Variants in LNX1 observed in about 807,000 individuals in gnomAD.
The protein encoded by LNX1 is ligand of numb-protein X 1.
LNX1 carries 54 observed loss-of-function variants against 68.4 expected under a neutral mutation model. The observed-to-expected ratio is 0.79, with a 90% CI of 0.63 to 0.99. The LOEUF (loss-of-function observed/expected upper bound fraction) is 0.99, where lower values mean the gene tolerates loss of function less well. LNX1 is among the 50% of genes least tolerant of loss of function. The pLI is 0.00. For missense variants in LNX1, 906 were observed against 926.4 expected (o/e 0.98, Z 0.29); for synonymous variants, 336 against 350.0 (o/e 0.96, Z 0.45).
At chr4:53,621,876 A>G (rs1252931265), upstream of LNX1, among the ~76,000 whole-genome samples, 3 of 151,896 alleles carry the variant, frequency 2.0e-5, no homozygotes, top group Non-Finnish European at 4.4e-5. Flanking sequence ...TTTCACCCCC[A>G]CCGGATTTGT....
At chr4:53,606,333 A>C (rs984078514) in intron 2 of LNX1, among the ~76,000 whole-genome samples, 9 of 152,204 alleles carry the variant, frequency 5.9e-5, no homozygotes, top group Non-Finnish European at 1.0e-4. Flanking sequence ...GGAAACCTAG[A>C]GGAAATGGCT....
At chr4:53,568,891 A>G (rs2109764404) in intron 2 of LNX1, among the ~76,000 whole-genome samples, 1 of 152,272 alleles carries the variant, frequency 6.6e-6, no homozygotes, top group African/African-American at 2.4e-5. Context: ...GAGCCAAATC[A>G]TGAGTGAACT....
intron 9 of LNX1, among the ~76,000 whole-genome samples, chr4:53,475,094 A>G (rs1380602915): frequency 1.3e-5 from 2 of 152,224 alleles, no homozygotes; most frequent in Non-Finnish European, 2.9e-5. Flanking sequence ...AAAGTAGAGA[A>G]GTGCCATGCC....
chr4:53,491,396 G>A (rs182380785), intron 6 of LNX1, among the ~76,000 whole-genome samples: 40 of 152,214 alleles, frequency 2.6e-4, no homozygotes, highest in Admixed American at 2.3e-3. Context: ...TTGATTGGCC[G>A]GCTAATGCCA....
intron 1 of LNX1, among the ~76,000 whole-genome samples, chr4:53,638,658 A>G (rs1277369038): frequency 6.6e-6 from 1 of 152,206 alleles, no homozygotes; most frequent in African/African-American, 2.4e-5. Context: ...ATAATGCTGA[A>G]GTGCTGCCAA....
chr4:53,639,927 G>A (rs934729948), intron 1 of LNX1, among the ~76,000 whole-genome samples: 2 of 152,112 alleles, frequency 1.3e-5, no homozygotes, highest in African/African-American at 4.8e-5. Context: ...CAGCTACTTG[G>A]GAGGCTGAGG....
intron 2 of LNX1, among the ~76,000 whole-genome samples, chr4:53,556,380 C>A (rs1482265411): frequency 6.6e-6 from 1 of 152,154 alleles, no homozygotes; most frequent in African/African-American, 2.4e-5. Context: ...GATGCCAGAA[C>A]TGTGGGAGAA....
At chr4:53,651,666 A>T (rs1048916595) in intron 1 of LNX1, among the ~76,000 whole-genome samples, 1 of 152,186 alleles carries the variant, frequency 6.6e-6, no homozygotes, top group African/African-American at 2.4e-5. Flanking sequence ...ACAACCCTAC[A>T]CACCCGTGAG....
intron 1 of LNX1, among the ~76,000 whole-genome samples, chr4:53,623,453 T>C (rs1733959431): frequency 6.6e-6 from 1 of 152,018 alleles, no homozygotes. Context: ...AGGCTGGTCT[T>C]GAACACATGA....
In LNX1 at chr4:53,498,683, G is replaced by A. The variant is rs766974602; in HGVS notation, c.936C>T (p.Ile312=). The change falls in exon 5 of 11, where the codon ATC becomes ATT. Residue 312 remains isoleucine (I), a synonymous_variant. Transcript: ENST00000263925. Reference sequence around the variant, plus strand: ...CTGGCAGTAGCCGGCCGTCTCTGGCGATCACCCCATCACGATAAATGTGTT... The same window carrying A: ...CTGGCAGTAGCCGGCCGTCTCTGGCAATCACCCCATCACGATAAATGTGTT... ...IIQHIYRDGV[I]ARDGRLLPGD... 8.1e-6 allele frequency: 13 copies of A among 1,613,870 alleles called. No individual in the cohort carries two copies. Among genetic ancestry groups the A allele is most frequent in the South Asian group, 7.7e-5 (7 of 91,064 alleles).
chr4:53,618,695 A>C (rs1733764226), upstream of LNX1, among the ~76,000 whole-genome samples: 1 of 152,204 alleles, frequency 6.6e-6, no homozygotes, highest in African/African-American at 2.4e-5. Flanking sequence ...AGCCACATAC[A>C]GAGGTTTAAA....
At chr4:53,479,655 G>A (rs900889352) in intron 7 of LNX1, among the ~76,000 whole-genome samples, 7 of 151,918 alleles carry the variant, frequency 4.6e-5, no homozygotes, top group South Asian at 2.1e-4. Flanking sequence ...ATCTTTTTTC[G>A]CCATTCTCCT....
chr4:53,528,915 A>T (rs1207408550), intron 2 of LNX1, among the ~76,000 whole-genome samples: 1 of 152,158 alleles, frequency 6.6e-6, no homozygotes, highest in Non-Finnish European at 1.5e-5. Context: ...TTGAGACCAC[A>T]CATGTCTGGT....
intron 2 of LNX1, among the ~76,000 whole-genome samples, chr4:53,551,404 T>G (rs1431242013): frequency 1.3e-5 from 2 of 152,180 alleles, no homozygotes; most frequent in Non-Finnish European, 2.9e-5. Context: ...CACCTGAAAC[T>G]GGTGATCAGC....
intron 1 of LNX1, among the ~76,000 whole-genome samples, chr4:53,590,074 A>G (rs1732414199): frequency 6.6e-6 from 1 of 152,146 alleles, no homozygotes. Flanking sequence ...GTGGTGGCCA[A>G]ACCCCCCCCC....
In LNX1 at chr4:53,507,985, C is replaced by A; in HGVS notation, c.622+1G>T. The A allele has an allele frequency of 6.2e-7, 1 of 1,613,186 alleles. No individual in the cohort carries two copies. The highest frequency in any genetic ancestry group is 8.5e-7 in the Non-Finnish European group (1 of 1,179,248). Reference sequence around the variant, plus strand: ...CCCGGACAACCACCCATTTGACTCACCCCTAGTTCGGTTGCTCCGGCCAGA... The same window carrying A: ...CCCGGACAACCACCCATTTGACTCAACCCTAGTTCGGTTGCTCCGGCCAGA... On this transcript the variant is annotated splice_donor_variant, in intron 3 of 10. Coordinates refer to ENST00000263925, the MANE Select transcript of LNX1 (RefSeq NM_001126328.3). LOFTEE classifies it high-confidence loss of function.
intron 1 of LNX1, among the ~76,000 whole-genome samples, chr4:53,649,960 G>A (rs765396827): frequency 5.9e-5 from 9 of 152,194 alleles, no homozygotes; most frequent in Non-Finnish European, 8.8e-5. Context: ...ACCTAGACAA[G>A]GACTTGACAG....
Position 53,623,987 on chromosome 4 carries a change from AT to A in LNX1, c.-215+28180del, listed in dbSNP as rs533073838. Among the ~76,000 whole-genome samples, 402 of 152,278 alleles carry A rather than the reference AT, an allele frequency of 2.6e-3. 3 individuals are homozygous for A. The highest frequency in any genetic ancestry group is 9.2e-3 in the African/African-American group (384 of 41,570). On this transcript the variant is annotated intron_variant, in intron 1 of 2. Coordinates refer to the LNX1 transcript ENST00000507168. ...AAGGGTAGTTATTCCTCAAAAGAATATAGGTTTTTGTGATGCTGGGTTTTCA... is the reference window on the plus strand; with the variant it reads ...AAGGGTAGTTATTCCTCAAAAGAATAAGGTTTTTGTGATGCTGGGTTTTCA...
intron 2 of LNX1, among the ~76,000 whole-genome samples, chr4:53,559,315 AT>A (rs2109732881): frequency 6.6e-6 from 1 of 152,340 alleles, no homozygotes; most frequent in East Asian, 1.9e-4. Flanking sequence ...GGATATAATA[AT>A]TCATGATTTT....
Sources: gnomAD v4.1 joint callset for allele counts (sites outside exome capture counted in the v4.1 genomes callset) on GRCh38, gnomAD v4.1.1 for gene constraint, MANE v1.5 for transcripts, NCBI Gene and HGNC (gene_info 2026-07-23, HGNC 2026-07-21) for gene names.